SYNPR: variants seen among roughly 807,000 people sequenced by gnomAD.
SYNPR encodes synaptoporin.
In SYNPR, 23 loss-of-function variants were observed where a neutral mutation model predicts 32.9. That is an observed-to-expected ratio of 0.70 (90% CI 0.50 to 0.99). The LOEUF is 0.99. SYNPR is among the 50% of genes least tolerant of loss of function. The pLI, the probability that SYNPR is intolerant of heterozygous loss-of-function variation, is 0.00. For synonymous variants in SYNPR, 146 were observed against 135.9 expected, an observed-to-expected ratio of 1.07 and a Z score of -0.52; for missense variants, 318 against 349.3, an observed-to-expected ratio of 0.91 and a Z score of 0.71.
At chr3:63,323,295 C>A (rs1425736503) in intron 2 of SYNPR, among the ~76,000 whole-genome samples, 1 of 152,052 alleles carries the variant, frequency 6.6e-6, no homozygotes, top group Non-Finnish European at 1.5e-5. Context: ...GATCCACTTT[C>A]CAATGGAAAG....
At chr3:63,357,432 G>C (rs1272114506) in intron 2 of SYNPR, among the ~76,000 whole-genome samples, 1 of 152,112 alleles carries the variant, frequency 6.6e-6, no homozygotes, top group African/African-American at 2.4e-5. Flanking sequence ...CTAGCCATGA[G>C]TCTTTGGTTT....
At chr3:63,237,859 A>G (rs922846567) in intron 1 of SYNPR, among the ~76,000 whole-genome samples, 1 of 152,052 alleles carries the variant, frequency 6.6e-6, no homozygotes, top group African/African-American at 2.4e-5. Context: ...GGATTTCTCC[A>G]GGCCTGGCCT....
intron 4 of SYNPR, among the ~76,000 whole-genome samples, chr3:63,596,839 C>T (rs1438371910): frequency 3.9e-5 from 6 of 152,086 alleles, no homozygotes; most frequent in Non-Finnish European, 4.4e-5. Flanking sequence ...AATGTGCTTC[C>T]ATTTGTTAAT....
In SYNPR at chr3:63,462,953, G is replaced by A. The variant is rs150923134; in HGVS notation, c.85-17879G>A. 5.7e-4 allele frequency among the ~76,000 whole-genome samples: 87 copies of A among 152,306 alleles called. 1 individual carries two copies. The highest frequency in any genetic ancestry group is 2.0e-3 in the African/African-American group (84 of 41,588). On this transcript the variant is annotated intron_variant, in intron 2 of 5. Transcript: ENST00000478300. ...CCAGGGAAATGAGTGGTGAATGGAT[G>A]TTGGGTTCCACTGTTCCTGTCAGGC...
chr3:63,268,722 G>T (rs1170099215), intron 3 of SYNPR, among the ~76,000 whole-genome samples: 1 of 151,994 alleles, frequency 6.6e-6, no homozygotes, highest in Admixed American at 6.6e-5. Context: ...GGAGGTGGAA[G>T]AAAATCCACA....
chr3:63,202,910 C>G, the SYNPR span, among the ~76,000 whole-genome samples: 1 of 151,708 alleles, frequency 6.6e-6, no homozygotes, highest in Non-Finnish European at 1.5e-5. Context: ...GTTTGGGAAA[C>G]TTTGTTTTAG....
At chr3:63,367,470 A>T (rs1472132172) in intron 2 of SYNPR, among the ~76,000 whole-genome samples, 1 of 151,716 alleles carries the variant, frequency 6.6e-6, no homozygotes, top group East Asian at 1.9e-4. Context: ...AACCCTCCCA[A>T]CTCAACTTCC....
At chr3:63,611,143 C>G (rs1385415666) in intron 5 of SYNPR, among the ~76,000 whole-genome samples, 1 of 152,142 alleles carries the variant, frequency 6.6e-6, no homozygotes, top group Non-Finnish European at 1.5e-5. Context: ...TTAACTACAA[C>G]AGGAAAAAAG....
intron 2 of SYNPR, among the ~76,000 whole-genome samples, chr3:63,297,304 G>T (rs1487704422): frequency 3.3e-5 from 5 of 152,084 alleles, no homozygotes; most frequent in Admixed American, 2.6e-4. Context: ...TCCAGACTTT[G>T]CCAGTTCTTT....
At chr3:63,443,374 CTTTAT>C (rs1282813854) in intron 2 of SYNPR, 56 of 1,566,868 alleles carry the variant, frequency 3.6e-5, no homozygotes, top group Non-Finnish European at 4.8e-5. Context: ...GACAGAGAAG[CTTTAT>C]TTTTAGTATG....
chr3:63,570,168 T>G (rs937690374), intron 4 of SYNPR, among the ~76,000 whole-genome samples: 2 of 152,152 alleles, frequency 1.3e-5, no homozygotes, highest in Non-Finnish European at 2.9e-5. Context: ...CTGGGCTTTA[T>G]GAAACCCTCA....
At chr3:63,564,723 C>T (rs1319867394) in intron 4 of SYNPR, among the ~76,000 whole-genome samples, 1 of 152,118 alleles carries the variant, frequency 6.6e-6, no homozygotes, top group Non-Finnish European at 1.5e-5. Context: ...GATCTCACAT[C>T]CTCAGCTCTT....
At chr3:63,247,144 A>G (rs961276439) in intron 1 of SYNPR, among the ~76,000 whole-genome samples, 4 of 152,150 alleles carry the variant, frequency 2.6e-5, no homozygotes, top group Middle Eastern at 3.4e-3. Context: ...TTTTTAGGGG[A>G]AAAATGCCTC....
chr3:63,574,044 T>C (rs934670403), intron 4 of SYNPR, among the ~76,000 whole-genome samples: 4 of 152,174 alleles, frequency 2.6e-5, no homozygotes, highest in Non-Finnish European at 5.9e-5. Flanking sequence ...AAAATATTTA[T>C]GTGGCTTTAT....
chr3:63,378,170 A>C (rs2107063680), intron 2 of SYNPR, among the ~76,000 whole-genome samples: 1 of 152,094 alleles, frequency 6.6e-6, no homozygotes, highest in South Asian at 2.1e-4. Context: ...AATATTTTGT[A>C]ATGTAACTTT....
intron 2 of SYNPR, among the ~76,000 whole-genome samples, chr3:63,262,772 G>A (rs886436453): frequency 6.6e-6 from 1 of 152,164 alleles, no homozygotes; most frequent in Non-Finnish European, 1.5e-5. Flanking sequence ...AGGAAGCACA[G>A]ACACAAGGTT....
intron 3 of SYNPR, among the ~76,000 whole-genome samples, chr3:63,513,143 C>A (rs542352937): frequency 6.6e-6 from 1 of 151,104 alleles, no homozygotes; most frequent in African/African-American, 2.4e-5. Flanking sequence ...AAATTCTCCA[C>A]ATATCCCCCC....
chr3:63,277,749 A>C (rs2086590237), upstream of SYNPR, among the ~76,000 whole-genome samples: 1 of 151,900 alleles, frequency 6.6e-6, no homozygotes, highest in African/African-American at 2.4e-5. Context: ...CCCTGTGCCC[A>C]TGGCCCCTGT....
chr3:63,457,115 G>A (rs1700497300), intron 2 of SYNPR, among the ~76,000 whole-genome samples: 1 of 152,038 alleles, frequency 6.6e-6, no homozygotes, highest in African/African-American at 2.4e-5. Flanking sequence ...AATGCCTTTT[G>A]TAGCTTGCCT....
Sources: allele counts gnomAD v4.1 joint callset (sites outside exome capture counted in the v4.1 genomes callset), GRCh38; gene constraint gnomAD v4.1.1; transcripts MANE v1.5; gene names NCBI Gene and HGNC (gene_info 2026-07-23, HGNC 2026-07-21).